The following ARHGAP24 variants were observed in gnomAD, a reference collection of about 807,000 sequenced individuals.
ARHGAP24 encodes the protein rho GTPase-activating protein 24.
In ARHGAP24, 50 loss-of-function variants were observed where a neutral mutation model predicts 76.4. The ratio of observed to expected loss-of-function variants is 0.65; its 90% CI spans 0.52 to 0.83. The LOEUF is 0.83. Among genes scored for constraint, ARHGAP24 ranks in the 40% least tolerant of loss-of-function variants. ARHGAP24 has a pLI of 0.00. For synonymous variants in ARHGAP24, 345 were observed against 323.3 expected (o/e 1.07, Z -0.72); for missense variants, 930 against 914.2 (o/e 1.02, Z -0.22).
Position 85,570,700 on chromosome 4 carries a change from T to C in ARHGAP24, c.159T>C (p.Asp53=). The change falls in exon 2 of 10, where the codon GAT becomes GAC. Residue 53 remains aspartate, a synonymous_variant. Transcript: ENST00000395184. ...LKGDQLYYFK[D]EDETKPLGTI... is the part of the protein sequence containing the mutation. Reference sequence around the variant, plus strand: ...GGGATCAGCTCTATTATTTCAAAGATGAAGATGAAACCAAGCCCTTGGTGA... The same window carrying C: ...GGGATCAGCTCTATTATTTCAAAGACGAAGATGAAACCAAGCCCTTGGTGA... 1.2e-6 allele frequency: 2 copies of C among 1,614,012 alleles called. No homozygotes were observed. Among genetic ancestry groups the C allele is most frequent in the Non-Finnish European group, 1.7e-6 (2 of 1,179,970 alleles).
chr4:85,763,580 A>AG (rs1726818047), intron 3 of ARHGAP24, among the ~76,000 whole-genome samples: 1 of 152,192 alleles, frequency 6.6e-6, no homozygotes, highest in South Asian at 2.1e-4. Context: ...TCAGAGGCAA[A>AG]GGGGGGTGTC....
At chr4:85,504,908 A>G (rs1723976375) in intron 1 of ARHGAP24, among the ~76,000 whole-genome samples, 1 of 152,168 alleles carries the variant, frequency 6.6e-6, no homozygotes, top group Non-Finnish European at 1.5e-5. Flanking sequence ...CTTTTAGGGC[A>G]GGCCTGGTGG....
chr4:85,477,876 C>T (rs1382330748), intron 1 of ARHGAP24, among the ~76,000 whole-genome samples: 2 of 152,184 alleles, frequency 1.3e-5, no homozygotes, highest in Non-Finnish European at 1.5e-5. Flanking sequence ...GTGTGTGGTG[C>T]TGTAGCACCG....
chr4:85,911,794 G>A (rs1735099496), intron 3 of ARHGAP24, among the ~76,000 whole-genome samples: 2 of 152,170 alleles, frequency 1.3e-5, no homozygotes, highest in African/African-American at 4.8e-5. Flanking sequence ...ATTATTGGGA[G>A]TCACAGTTTT....
chr4:85,785,330 A>T (rs1449782839), intron 3 of ARHGAP24, among the ~76,000 whole-genome samples: 2 of 152,184 alleles, frequency 1.3e-5, no homozygotes, highest in African/African-American at 4.8e-5. Context: ...CTCTGAGTTC[A>T]ATTTGGGTTT....
intron 3 of ARHGAP24, among the ~76,000 whole-genome samples, chr4:85,838,354 T>C (rs755314883): frequency 6.6e-6 from 1 of 152,122 alleles, no homozygotes; most frequent in Non-Finnish European, 1.5e-5. Flanking sequence ...TCCCAGCACT[T>C]TGGGAGGCTG....
At chr4:85,855,774 A>AG (rs1473872754) in intron 3 of ARHGAP24, among the ~76,000 whole-genome samples, 1 of 125,404 alleles carries the variant, frequency 8.0e-6, no homozygotes, top group Non-Finnish European at 1.6e-5. Context: ...GCAAAAAAGA[A>AG]AAAAAAAAAA....
rs184467619 is a variant in ARHGAP24 at position 85,660,598 on chromosome 4, C to A, written c.181-61287C>A. ...GGATCACGAGGTCAGGAGTTTGAGA[C>A]CATCCTGGACAACATGGTGAAAGCC... On this transcript the variant is annotated intron_variant, in intron 2 of 9. Transcript: ENST00000395184. Among the ~76,000 whole-genome samples the A allele has an allele frequency of 3.6e-4, 54 of 151,882 alleles. No individual in the cohort carries two copies. In the East Asian group the frequency reaches 9.7e-3, roughly 27 times the overall value.
At chr4:85,533,150 C>T (rs1725336666) in intron 1 of ARHGAP24, among the ~76,000 whole-genome samples, 1 of 152,082 alleles carries the variant, frequency 6.6e-6, no homozygotes, top group East Asian at 1.9e-4. Context: ...AGACAAGTGG[C>T]TACTCATTAT....
intron 4 of ARHGAP24, among the ~76,000 whole-genome samples, chr4:85,939,949 C>T (rs1273789206): frequency 6.6e-6 from 1 of 151,144 alleles, no homozygotes; most frequent in Non-Finnish European, 1.5e-5. Context: ...CAAATGTCAA[C>T]ATATTATTTT....
intron 3 of ARHGAP24, among the ~76,000 whole-genome samples, chr4:85,845,853 T>C: frequency 6.6e-6 from 1 of 152,208 alleles, no homozygotes; most frequent in Non-Finnish European, 1.5e-5. Context: ...TTAGAAAAGC[T>C]TATTTAGCTA....
chr4:85,909,476 T>C (rs1043318348), intron 3 of ARHGAP24, among the ~76,000 whole-genome samples: 1 of 152,224 alleles, frequency 6.6e-6, no homozygotes, highest in Non-Finnish European at 1.5e-5. Flanking sequence ...TCAAGGAATG[T>C]TGCCTTTAGT....
chr4:85,494,805 A>G (rs2062863327), intron 1 of ARHGAP24, among the ~76,000 whole-genome samples: 2 of 152,204 alleles, frequency 1.3e-5, no homozygotes, highest in South Asian at 4.1e-4. Context: ...CTCTCAAGAA[A>G]AAGAGTGACC....
chr4:85,624,374 A>T (rs1221179754), intron 2 of ARHGAP24, among the ~76,000 whole-genome samples: 1 of 152,062 alleles, frequency 6.6e-6, no homozygotes, highest in Non-Finnish European at 1.5e-5. Flanking sequence ...TTCTGTTTAT[A>T]TGCTGGATTA....
chr4:85,689,981 T>G (rs890977632), intron 2 of ARHGAP24, among the ~76,000 whole-genome samples: 2 of 152,218 alleles, frequency 1.3e-5, no homozygotes, highest in African/African-American at 2.4e-5. Context: ...GCCCATTCAG[T>G]ACAATGTTGA....
At chr4:85,965,204 CA>C (rs1469333421) in intron 5 of ARHGAP24, among the ~76,000 whole-genome samples, 2 of 152,096 alleles carry the variant, frequency 1.3e-5, no homozygotes, top group African/African-American at 4.8e-5. Context: ...CAAGGAGGAG[CA>C]AGTCACATCT....
At chr4:85,648,554 A>C (rs1721812845) in intron 2 of ARHGAP24, among the ~76,000 whole-genome samples, 1 of 152,114 alleles carries the variant, frequency 6.6e-6, no homozygotes, top group Non-Finnish European at 1.5e-5. Flanking sequence ...CCCAGCACCC[A>C]TGACAGAACA....
intron 1 of ARHGAP24, among the ~76,000 whole-genome samples, chr4:85,495,027 G>C (rs1281907686): frequency 6.7e-6 from 1 of 150,246 alleles, no homozygotes; most frequent in Non-Finnish European, 1.5e-5. Context: ...CCCGGGAGGC[G>C]GAGCTTGCAG....
chr4:85,991,476 AATAG>A (rs1208197964), intron 8 of ARHGAP24: 1 of 152,182 alleles, frequency 6.6e-6, no homozygotes, highest in Non-Finnish European at 1.5e-5. Context: ...TCAGCTAGTG[AATAG>A]ATAAACTGTG....
Sources: allele counts gnomAD v4.1 joint callset (sites outside exome capture counted in the v4.1 genomes callset), GRCh38; gene constraint gnomAD v4.1.1; transcripts MANE v1.5; gene names NCBI Gene and HGNC (gene_info 2026-07-23, HGNC 2026-07-21).